RNF213: variants seen among roughly 807,000 people sequenced by gnomAD.
RNF213 encodes the protein E3 ubiquitin-protein ligase RNF213.
Under a neutral mutation model 514.4 loss-of-function variants are expected in RNF213, and 341 were observed. The ratio of observed to expected loss-of-function variants is 0.66; its 90% CI spans 0.61 to 0.73. RNF213 has a LOEUF of 0.73. RNF213 is among the 30% of genes least tolerant of loss of function. The pLI is 0.00. For missense variants in RNF213, 5,767 were observed against 6,615.6 expected (o/e 0.87, Z 4.45); for synonymous variants, 2,655 against 2,658.2 (o/e 1.00, Z 0.04).
At position 80,393,599 on chromosome 17, in the gene RNF213, A is replaced by G. The variant is rs1208545771; in HGVS notation, c.*101A>G. The G allele has an allele frequency of 2.2e-6, 3 of 1,334,038 alleles. No homozygotes were observed. Among genetic ancestry groups the G allele is most frequent in the Admixed American group, 1.7e-5 (1 of 57,260 alleles). 82.6% of individuals were successfully genotyped at this position (1,334,038 alleles called of 1,614,324 possible). On this transcript the variant is annotated 3_prime_UTR_variant, in exon 68 of 68. Coordinates refer to ENST00000582970, the MANE Select transcript of RNF213 (RefSeq NM_001256071.3). ...CATGGACTGGTGCCTTTGCATTCAG[A>G]AGGAGAGCTGTCAGCGTAGCACCGA... is the stretch of plus-strand genomic sequence containing the variant.
At chr17:80,303,562 C>A (rs200990051) in intron 11 of RNF213, among the ~76,000 whole-genome samples, 7 of 142,794 alleles carry the variant, frequency 4.9e-5, no homozygotes, top group Non-Finnish European at 7.5e-5. Context: ...TTTTTCTTTT[C>A]TTTTCTTTTT....
At position 80,343,696 on chromosome 17, in the gene RNF213, T is replaced by G. The variant is rs894405442; in HGVS notation, c.6184-161T>G. On this transcript the variant is annotated intron_variant, in intron 27 of 67. Transcript: ENST00000582970. This position sits in a 1 kb window ranked among gnomAD's most constrained non-coding sequence, Gnocchi z 4.3. ...TACAGGGAAATATAGTATTAGGATT[T>G]TATGGGGCTGCCCTTGGAGACATGG... Among the ~76,000 whole-genome samples the G allele has an allele frequency of 6.6e-6, 1 of 152,174 alleles. No individual in the cohort carries two copies. The highest frequency in any genetic ancestry group is 2.4e-5 in the African/African-American group (1 of 41,424).
chr17:80,336,355 G>T lies in RNF213; in HGVS notation c.4504G>T (p.Asp1502Tyr). ...LKKLWKALDK[D>Y]QYLPRKLCDS... Reference sequence around the variant, plus strand: ...AAAGCTGTGGAAGGCTCTGGATAAGGACCAGTACCTGCCCAGGAAACTGGT... The same window carrying T: ...AAAGCTGTGGAAGGCTCTGGATAAGTACCAGTACCTGCCCAGGAAACTGGT... Residue 1502 changes from aspartate (D) to tyrosine (Y), a missense_variant, in exon 23 of 68, where the codon GAC becomes TAC. Coordinates refer to ENST00000582970, the MANE Select transcript of RNF213 (RefSeq NM_001256071.3). The T allele has an allele frequency of 6.5e-7, 1 of 1,537,256 alleles. No individual in the cohort carries two copies. Among genetic ancestry groups the T allele is most frequent in the South Asian group, 1.2e-5 (1 of 84,032 alleles).
chr17:80,300,885 T>G (rs1348370200), intron 11 of RNF213, among the ~76,000 whole-genome samples: 1 of 151,160 alleles, frequency 6.6e-6, no homozygotes, highest in African/African-American at 2.4e-5. Flanking sequence ...TCTCTAATGA[T>G]GAGTGATGTT....
chr17:80,383,881 A>C lies in RNF213; in HGVS notation c.14275A>C (p.Lys4759Gln). 6.2e-7 allele frequency: 1 copy of C among 1,614,202 alleles called. No homozygotes were observed. The highest frequency in any genetic ancestry group is 8.5e-7 in the Non-Finnish European group (1 of 1,180,014). The part of the protein sequence containing the change: ...VEYLQHIVEQ[K>Q]NGKERVPILW... ...GTACCTCCAGCACATTGTGGAACAG[A>C]AAAATGGCAAAGAAAGAGTGCCCAT... is the stretch of plus-strand genomic sequence containing the variant. The change falls in exon 59 of 68, where the codon AAA (lysine) becomes CAA (glutamine). Residue 4759 changes from lysine to glutamine, a missense_variant. Physicochemically the swap from Lys to Gln is moderately conservative, Grantham distance 53. Coordinates refer to ENST00000582970, the MANE Select transcript of RNF213 (RefSeq NM_001256071.3).
chr17:80,344,813 T>C lies in RNF213; in HGVS notation c.6478T>C (p.Cys2160Arg), dbSNP rs1445019323. Reference sequence around the variant, plus strand: ...GCCTGGGATGGATCTGTGGGAGTTCTGCAGCGAAACTTTCCAAAGACCTTA... The same window carrying C: ...GCCTGGGATGGATCTGTGGGAGTTCCGCAGCGAAACTTTCCAAAGACCTTA... ...TEPGMDLWEF[C>R]SETFQRPYQY... The change falls in exon 29 of 68, where the codon TGC (cysteine) becomes CGC (arginine). Residue 2160 changes from cysteine to arginine, a missense_variant. Transcript: ENST00000582970. 4 of 1,614,094 alleles carry C rather than the reference T, an allele frequency of 2.5e-6. No individual in the cohort carries two copies. The African/African-American group carries it at 5.3e-5, about 22-fold the overall frequency.
Position 80,393,403 on chromosome 17 carries a change from A to G in RNF213, c.15529A>G (p.Met5177Val). 1 of 1,614,224 alleles carries G rather than the reference A, an allele frequency of 6.2e-7. No homozygotes were observed. ...QTKESEILPE[M>V]ASQFPEEILL... Reference sequence around the variant, plus strand: ...TAAAGAAAGTGAAATTCTTCCTGAAATGGCATCTCAGTTCCCAGAAGAGAT... The same window carrying G: ...TAAAGAAAGTGAAATTCTTCCTGAAGTGGCATCTCAGTTCCCAGAAGAGAT... The change falls in exon 68 of 68, where the codon ATG (methionine) becomes GTG (valine). Residue 5177 changes from methionine (M) to valine (V), a missense_variant. By Grantham distance (21) the Met-to-Val change is conservative. Coordinates refer to ENST00000582970, the MANE Select transcript of RNF213 (RefSeq NM_001256071.3).
chr17:80,290,459 ATG>A (rs559966254), intron 6 of RNF213, 109 bp from the exon 7 acceptor site: 218 of 1,289,160 alleles, frequency 1.7e-4, no homozygotes, highest in Middle Eastern at 2.6e-4. Flanking sequence ...GTGCGAGTGC[ATG>A]TGTGTGTGCA....
At chr17:80,355,327 T>G (rs111501864) in intron 36 of RNF213, 8,791 of 278,648 alleles carry the variant, frequency 0.032, 105 homozygotes, top group African/African-American at 0.068. Flanking sequence ...GGGTGAACGG[T>G]AATGGGGGCT....
At chr17:80,327,509 C>T (rs1313302511) in intron 18 of RNF213, among the ~76,000 whole-genome samples, 1 of 151,926 alleles carries the variant, frequency 6.6e-6, no homozygotes, top group African/African-American at 2.4e-5. Context: ...GTCAGTCCAT[C>T]CGTATACTGA....
chr17:80,353,492 C>CA lies in RNF213; in HGVS notation c.10424-19dup, dbSNP rs1568118168. ...GCCACCTTCTGAGTGGTAACGCAAT[C>CA]ACGTTTGCTTCGACTGCAGTGGGCT... is the stretch of plus-strand genomic sequence containing the variant. On this transcript the variant is annotated intron_variant, in intron 33 of 67. Coordinates refer to ENST00000582970, the MANE Select transcript of RNF213 (RefSeq NM_001256071.3). This position sits in a 1 kb window ranked among gnomAD's most constrained non-coding sequence, Gnocchi z 5.0. 1.9e-6 allele frequency: 3 copies of CA among 1,596,836 alleles called. No homozygotes were observed. The highest frequency in any genetic ancestry group is 4.5e-5 in the East Asian group (2 of 44,244).
chr17:80,331,411 T>G (rs1295049352), intron 20 of RNF213, among the ~76,000 whole-genome samples: 1 of 146,388 alleles, frequency 6.8e-6, no homozygotes, highest in Non-Finnish European at 1.5e-5. Flanking sequence ...TTTTTTGATA[T>G]GGAGTCTCAC....
Position 80,324,754 on chromosome 17 carries a change from C to A in RNF213, c.3025-276C>A, listed in dbSNP as rs574195360. ...GTCCAAAAAAAAATGTAGAAACTGG[C>A]AGCCAGAAGGAAGGAGGGTGACTGG... On this transcript the variant is annotated intron_variant, in intron 17 of 67. Coordinates refer to ENST00000582970, the MANE Select transcript of RNF213 (RefSeq NM_001256071.3). Among the ~76,000 whole-genome samples the A allele has an allele frequency of 3.4e-4, 51 of 152,094 alleles. No homozygotes were observed. In the South Asian group the frequency reaches 6.9e-3, roughly 21 times the overall value.
At chr17:80,287,677 G>A in intron 3 of RNF213, 138 bp from the exon 4 acceptor site, 1 of 484,486 alleles carries the variant, frequency 2.1e-6, no homozygotes, top group Non-Finnish European at 3.9e-6. Flanking sequence ...CCAGGAAATT[G>A]CAGATTTAAC....
At chr17:80,287,176 A>ACAG (rs2044501419) in intron 3 of RNF213, among the ~76,000 whole-genome samples, 2 of 127,268 alleles carry the variant, frequency 1.6e-5, no homozygotes, top group African/African-American at 6.6e-5. Flanking sequence ...CCTGAGCAAC[A>ACAG]TGGGAGACTC....
intron 10 of RNF213, among the ~76,000 whole-genome samples, chr17:80,296,943 T>G (rs975544379): frequency 9.3e-5 from 14 of 150,992 alleles, no homozygotes; most frequent in African/African-American, 3.4e-4. Flanking sequence ...CCTCCCAAAG[T>G]GCTGGGATTA....
chr17:80,339,592 TA>T lies in RNF213; in HGVS notation c.5227del (p.Arg1743GlyfsTer15). The T allele has an allele frequency of 1.3e-6, 2 of 1,537,146 alleles. No homozygotes were observed. Among genetic ancestry groups the T allele is most frequent in the Non-Finnish European group, 1.7e-6 (2 of 1,146,880 alleles). ...AGCAACTGCACCCTGAGGGATGTCT[TA>T]AGGGCCTCTGTGGGGTGTGGGAGTG... ...IKSNCTLRDV[L>X]RASVGCGSEA... is the part of the protein sequence containing the mutation. On this transcript the variant is annotated frameshift_variant, in exon 26 of 68. Transcript: ENST00000582970. LOFTEE classifies it high-confidence loss of function.
chr17:80,364,347 C>T, intron 41 of RNF213, 86 bp from the exon 42 acceptor site: 2 of 1,598,526 alleles, frequency 1.3e-6, no homozygotes, highest in Non-Finnish European at 1.7e-6. Flanking sequence ...GGTCCCGCAT[C>T]TCTTCTCCCG....
intron 37 of RNF213, among the ~76,000 whole-genome samples, chr17:80,359,084 C>T (rs1407226691): frequency 6.6e-6 from 1 of 152,138 alleles, no homozygotes; most frequent in African/African-American, 2.4e-5. Context: ...GATCTGTGCT[C>T]CCTCCCCGTC....
Sources: allele counts gnomAD v4.1 joint callset (sites outside exome capture counted in the v4.1 genomes callset), GRCh38; gene constraint gnomAD v4.1.1; non-coding constraint Gnocchi (gnomAD v3.1); transcripts MANE v1.5; gene names NCBI Gene and HGNC (gene_info 2026-07-23, HGNC 2026-07-21).